The following DCC variants were observed in gnomAD, a reference collection of about 807,000 sequenced individuals.
The protein encoded by DCC is DCC netrin 1 receptor, also known as netrin receptor DCC.
A neutral mutation model predicts 172.5 loss-of-function variants in DCC; 58 were observed. The observed-to-expected ratio is 0.34, with a 90% CI of 0.27 to 0.42. The LOEUF is 0.42. DCC is among the 10% of genes least tolerant of loss of function. The pLI is 1.00. For missense variants in DCC, 1,740 were observed against 1,791.0 expected, an observed-to-expected ratio of 0.97 and a Z score of 0.51; for synonymous variants, 709 against 644.5, an observed-to-expected ratio of 1.10 and a Z score of -1.52.
chr18:53,249,475 T>G (rs564590586), intron 12 of DCC, among the ~76,000 whole-genome samples: 6 of 151,976 alleles, frequency 3.9e-5, no homozygotes, highest in African/African-American at 9.6e-5. Context: ...GTAGTAGAAG[T>G]CTATTTCATG....
At chr18:52,576,361 T>G (rs2033411203) in intron 1 of DCC, among the ~76,000 whole-genome samples, 1 of 152,210 alleles carries the variant, frequency 6.6e-6, no homozygotes. Flanking sequence ...CAAATGAAGC[T>G]GCCTGGACTT....
chr18:52,899,411 T>C (rs867602868), intron 2 of DCC, among the ~76,000 whole-genome samples: 1 of 130,980 alleles, frequency 7.6e-6, no homozygotes, highest in Non-Finnish European at 1.5e-5. Context: ...TGGAGTGCAA[T>C]GGCACCATGT....
At chr18:53,145,106 T>TC (rs1491103596) in intron 7 of DCC, among the ~76,000 whole-genome samples, 2 of 16,038 alleles carry the variant, frequency 1.2e-4, no homozygotes, top group East Asian at 2.0e-3. Context: ...AGGGCTCTGC[T>TC]TTTTTTTTTT....
In DCC at chr18:52,813,489, A is replaced by C. The variant is rs139587944; in HGVS notation, c.412+61115A>C. ...AACCAGGGATCATGGTGGATTCCAC[A>C]GTATCACATGGTATGGATTAAGGAT... On this transcript the variant is annotated intron_variant, in intron 2 of 28. Transcript: ENST00000442544. 9.1e-4 allele frequency among the ~76,000 whole-genome samples: 138 copies of C among 152,324 alleles called. No homozygotes were observed. In the East Asian group the frequency reaches 0.023, roughly 25 times the overall value.
Position 53,340,030 on chromosome 18 carries a change from G to A in DCC, c.2359+123G>A, listed in dbSNP as rs987799004. On this transcript the variant is annotated intron_variant, in intron 15 of 28. Coordinates refer to ENST00000442544, the MANE Select transcript of DCC (RefSeq NM_005215.4). ...TCAACTTACAGCATGTATTAGCTCT[G>A]AAAGCAACTGTCTATCTACACACAC... 3.6e-5 allele frequency: 26 copies of A among 719,178 alleles called. No individual in the cohort carries two copies. The East Asian group carries it at 6.8e-4, about 19-fold the overall frequency. The allele number at this position is 719,178 out of a possible 1,614,324, so 44.5% of individuals were successfully genotyped here. A position where few individuals can be genotyped will look rare whatever the true frequency, so the allele number is the denominator to read the frequency against.
intron 7 of DCC, among the ~76,000 whole-genome samples, chr18:53,111,357 A>G (rs1370627753): frequency 6.6e-6 from 1 of 151,228 alleles, no homozygotes; most frequent in Non-Finnish European, 1.5e-5. Context: ...TATGTAACTA[A>G]CCTGCACATT....
intron 2 of DCC, among the ~76,000 whole-genome samples, chr18:52,786,033 T>C (rs1267452802): frequency 3.9e-5 from 6 of 152,114 alleles, no homozygotes; most frequent in African/African-American, 1.4e-4. Flanking sequence ...TAGAAGGTGC[T>C]ACTGTTTATA....
intron 9 of DCC, among the ~76,000 whole-genome samples, chr18:53,190,780 A>G (rs574604174): frequency 1.1e-3 from 161 of 152,198 alleles, no homozygotes; most frequent in Middle Eastern, 6.8e-3. Context: ...CCCCTTCTCT[A>G]CTAAAAATAC....
chr18:52,864,229 C>T (rs1477964390), intron 2 of DCC, among the ~76,000 whole-genome samples: 1 of 152,118 alleles, frequency 6.6e-6, no homozygotes, highest in Non-Finnish European at 1.5e-5. Flanking sequence ...AAAGCCTTTA[C>T]TAAATTTCAG....
Position 52,516,106 on chromosome 18 carries a change from AG to A in DCC, c.91+175231del, listed in dbSNP as rs1319346256. 2.6e-5 allele frequency among the ~76,000 whole-genome samples: 4 copies of A among 152,238 alleles called. 1 individual carries two copies. Among genetic ancestry groups the A allele is most frequent in the African/African-American group, 9.6e-5 (4 of 41,542 alleles). On this transcript the variant is annotated intron_variant, in intron 1 of 28. Transcript: ENST00000442544. ...ATAGCAATGACTCCAAATGCTTGTG[AG>A]GGTAAGGAGAAACTGGATCACCCCT...
At chr18:53,454,381 TG>T (rs1273810587) in intron 23 of DCC, among the ~76,000 whole-genome samples, 1 of 152,166 alleles carries the variant, frequency 6.6e-6, no homozygotes, top group Non-Finnish European at 1.5e-5. Context: ...AGTTGATTTT[TG>T]TCCCTGTTTC....
intron 6 of DCC, among the ~76,000 whole-genome samples, chr18:53,065,569 T>A (rs1349935516): frequency 1.3e-5 from 2 of 152,220 alleles, no homozygotes; most frequent in African/African-American, 4.8e-5. Flanking sequence ...GATATTTTTC[T>A]GGGCAAACGC....
intron 8 of DCC, among the ~76,000 whole-genome samples, chr18:53,166,077 G>T (rs1456391736): frequency 1.3e-5 from 2 of 152,150 alleles, no homozygotes; most frequent in Non-Finnish European, 2.9e-5. Flanking sequence ...TGTCAGTGGA[G>T]ATGGAGCAGC....
At chr18:53,046,436 T>C (rs1447551915) in intron 5 of DCC, among the ~76,000 whole-genome samples, 1 of 151,612 alleles carries the variant, frequency 6.6e-6, no homozygotes, top group Non-Finnish European at 1.5e-5. Flanking sequence ...AGCATTGAAC[T>C]ACCCATACAT....
intron 5 of DCC, among the ~76,000 whole-genome samples, chr18:52,946,340 A>G (rs187981461): frequency 6.6e-6 from 1 of 152,340 alleles, no homozygotes; most frequent in Non-Finnish European, 1.5e-5. Flanking sequence ...AGTGAAATGA[A>G]CTGTTTTTTA....
At chr18:53,469,177 A>G (rs768452021) in intron 25 of DCC, among the ~76,000 whole-genome samples, 2 of 152,142 alleles carry the variant, frequency 1.3e-5, no homozygotes, top group Non-Finnish European at 2.9e-5. Context: ...CTTAGGTTTT[A>G]TAGTCACTTA....
rs556005603 is a variant in DCC, at chr18:53,130,451, C to T, written c.1262-26905C>T. On this transcript the variant is annotated intron_variant, in intron 7 of 28. Transcript: ENST00000442544. ...AGATTTTATTTTTCTTTTTGTTTGC[C>T]GTCTCAAAACTCTGTCTTCCTTTTC... Among the ~76,000 whole-genome samples, 21 of 152,046 alleles carry T rather than the reference C, an allele frequency of 1.4e-4. No individual in the cohort carries two copies. The East Asian group carries it at 3.5e-3, about 25-fold the overall frequency.
intron 1 of DCC, among the ~76,000 whole-genome samples, chr18:52,685,280 T>C (rs961882717): frequency 6.6e-6 from 1 of 152,138 alleles, no homozygotes; most frequent in Non-Finnish European, 1.5e-5. Context: ...GGTAAATATT[T>C]ACAATTCATA....
intron 5 of DCC, among the ~76,000 whole-genome samples, chr18:52,940,336 G>C (rs1184280094): frequency 6.6e-6 from 1 of 152,142 alleles, no homozygotes; most frequent in Non-Finnish European, 1.5e-5. Flanking sequence ...AGTCAGAGTA[G>C]GGGTAGATAG....
Sources: allele counts gnomAD v4.1 joint callset (sites outside exome capture counted in the v4.1 genomes callset), GRCh38; gene constraint gnomAD v4.1.1; transcripts MANE v1.5; gene names NCBI Gene and HGNC (gene_info 2026-07-23, HGNC 2026-07-21).